The following TAF1 variants were observed in gnomAD, a reference collection of about 807,000 sequenced individuals.
TAF1 encodes TATA-box binding protein associated factor 1, also known as transcription initiation factor TFIID subunit 1.
A neutral mutation model predicts 138.5 loss-of-function variants in TAF1; 2 were observed. The observed-to-expected ratio is 0.01, with a 90% CI of 0.01 to 0.05. TAF1 has a LOEUF of 0.05. Ranked by LOEUF, TAF1 falls within the 10% of genes least tolerant of loss-of-function variation. The probability of loss-of-function intolerance (pLI) is 1.00; values close to 1 mark genes in which losing one functional copy is unlikely to be tolerated. For missense variants in TAF1, 709 were observed against 1,478.0 expected, an observed-to-expected ratio of 0.48 and a Z score of 8.53; for synonymous variants, 437 against 503.2, an observed-to-expected ratio of 0.87 and a Z score of 1.76.
chrX:71,379,407 G>A (rs1192222715), intron 8 of TAF1, among the ~76,000 whole-genome samples: 1 of 108,504 alleles, frequency 9.2e-6, no homozygotes, highest in East Asian at 2.9e-4. Context: ...GAGCCACCAC[G>A]CCCGGCTGGC....
At chrX:71,528,769 G>C (rs899323887) in intron 14 of TAF1, 1 of 279,850 alleles carries the variant, frequency 3.6e-6, no homozygotes, top group Non-Finnish European at 6.8e-6. Context: ...CCCAAAGAGT[G>C]AGCGGCAGCA....
At chrX:71,479,829 GA>G (rs768019114) in intron 13 of TAF1, among the ~76,000 whole-genome samples, 4 of 110,854 alleles carry the variant, frequency 3.6e-5, no homozygotes, top group Middle Eastern at 4.2e-3. Flanking sequence ...TTTTTAAGCT[GA>G]AAAAAAAGTG....
chrX:71,444,197 G>A (rs1012681266), intron 32 of TAF1, among the ~76,000 whole-genome samples: 1 of 110,995 alleles, frequency 9.0e-6, no homozygotes, highest in Non-Finnish European at 1.9e-5. Flanking sequence ...TAGTAGAGAC[G>A]GGGTTTTGCC....
At chrX:71,506,739 T>A (rs2039636223) in intron 13 of TAF1, among the ~76,000 whole-genome samples, 3 of 110,564 alleles carry the variant, frequency 2.7e-5, no homozygotes, top group African/African-American at 9.9e-5. Flanking sequence ...CCAGCAATTC[T>A]ACTCCTATGT....
chrX:71,367,464 G>A (rs1226447226), intron 1 of TAF1, 35 bp from the exon 2 acceptor site: 5 of 1,196,476 alleles, frequency 4.2e-6, no homozygotes, highest in Non-Finnish European at 5.7e-6. Context: ...CGTAGGTTTA[G>A]TTGTTATCTT....
intron 13 of TAF1, among the ~76,000 whole-genome samples, chrX:71,488,794 C>T (rs1488082147): frequency 1.8e-5 from 2 of 110,525 alleles, no homozygotes; most frequent in Admixed American, 9.7e-5. Context: ...GTGCTGGACA[C>T]GGTGGCTCAC....
At chrX:71,408,927 T>C (rs1421214743) in intron 28 of TAF1, among the ~76,000 whole-genome samples, 1 of 104,814 alleles carries the variant, frequency 9.5e-6, no homozygotes, top group Non-Finnish European at 1.9e-5. Flanking sequence ...GGCAGGAGAA[T>C]GGCGTGAACC....
chrX:71,495,600 C>T (rs954781068), intron 13 of TAF1, among the ~76,000 whole-genome samples: 2 of 111,970 alleles, frequency 1.8e-5, no homozygotes, highest in East Asian at 5.6e-4. Context: ...GTCTAGGCCT[C>T]GACAGTTTTG....
At chrX:71,377,481 G>A (rs1033534623) in intron 5 of TAF1, 122 bp from the exon 6 acceptor site, 5 of 893,964 alleles carry the variant, frequency 5.6e-6, no homozygotes, top group South Asian at 2.6e-5. Context: ...GTCTGAATGC[G>A]ACACTCCTTT....
chrX:71,390,388 C>G (rs1602511528), intron 18 of TAF1, among the ~76,000 whole-genome samples: 1 of 111,889 alleles, frequency 8.9e-6, no homozygotes, highest in East Asian at 2.8e-4. Context: ...TATTTTTTCT[C>G]CACTCCTCTG....
chrX:71,417,874 T>A (rs1383290146), intron 28 of TAF1, among the ~76,000 whole-genome samples: 2 of 111,438 alleles, frequency 1.8e-5, no homozygotes, highest in African/African-American at 3.3e-5. Flanking sequence ...ACTCTATTTT[T>A]AAAAAAAATT....
At position 71,367,555 on chromosome X, in the gene TAF1, T is replaced by C; in HGVS notation, c.177T>C (p.Thr59=). The C allele has an allele frequency of 8.3e-7, 1 of 1,211,915 alleles. No individual in the cohort carries two copies. The highest frequency in any genetic ancestry group is 1.1e-6 in the Non-Finnish European group (1 of 895,562). Residue 59 remains threonine (T), a synonymous_variant, in exon 2 of 38, where the codon ACT becomes ACC. Transcript: ENST00000423759. ...CTTTGGGGCTGGGCAGCCTGATCAC[T>C]GAACTCACGGCAAATGAAGAATTGA... is the stretch of plus-strand genomic sequence containing the variant. ...LGALGLGSLI[T]ELTANEELTG... is the part of the protein sequence containing the mutation.
chrX:71,463,577 GA>G (rs2038641880), intron 37 of TAF1, among the ~76,000 whole-genome samples: 1 of 112,073 alleles, frequency 8.9e-6, no homozygotes, highest in Non-Finnish European at 1.9e-5. Flanking sequence ...GGTCATGTAA[GA>G]TGGCAGTGTG....
chrX:71,421,849 A>G (rs2036359646), intron 29 of TAF1, among the ~76,000 whole-genome samples: 1 of 112,480 alleles, frequency 8.9e-6, no homozygotes, highest in Admixed American at 9.4e-5. Flanking sequence ...TAAACCTACA[A>G]AAGTGTAAGT....
chrX:71,459,087 C>T, intron 35 of TAF1: 1 of 883,105 alleles, frequency 1.1e-6, no homozygotes, highest in South Asian at 2.2e-5. Context: ...GGGTGAGAGC[C>T]CTTGGTTAAC....
chrX:71,504,354 G>A (rs914266571), intron 13 of TAF1, among the ~76,000 whole-genome samples: 1 of 110,168 alleles, frequency 9.1e-6, no homozygotes. Context: ...GATAAGACAA[G>A]CATAGGGAGG....
At position 71,412,002 on chromosome X, in the gene TAF1, C is replaced by A. The variant is rs1385103877; in HGVS notation, c.4384+3851C>A. Among the ~76,000 whole-genome samples, 7 of 111,704 alleles carry A rather than the reference C, an allele frequency of 6.3e-5. No homozygotes were observed. The Admixed American group carries it at 6.7e-4, about 11-fold the overall frequency. On this transcript the variant is annotated intron_variant, in intron 28 of 37. Transcript: ENST00000423759. Reference sequence around the variant, plus strand: ...AACTCCCAACCTCAGGTGATCTGCCCGCCTCGGCCTCCCAAAGTGCTGGGA... The same window carrying A: ...AACTCCCAACCTCAGGTGATCTGCCAGCCTCGGCCTCCCAAAGTGCTGGGA...
intron 13 of TAF1, among the ~76,000 whole-genome samples, chrX:71,500,927 G>A (rs1048098808): frequency 3.6e-5 from 4 of 109,650 alleles, no homozygotes; most frequent in African/African-American, 1.3e-4. Context: ...TGCCAGATGT[G>A]GTGGCAGGCG....
chrX:71,379,296 A>G (rs2033705520), intron 8 of TAF1, among the ~76,000 whole-genome samples: 1 of 107,503 alleles, frequency 9.3e-6, no homozygotes, highest in African/African-American at 3.4e-5. Flanking sequence ...TTGTATTTTT[A>G]GTAGAGATGG....
Sources: allele counts gnomAD v4.1 joint callset (sites outside exome capture counted in the v4.1 genomes callset), GRCh38; gene constraint gnomAD v4.1.1; transcripts MANE v1.5; gene names NCBI Gene and HGNC (gene_info 2026-07-23, HGNC 2026-07-21).